UGT2B7: variants seen among roughly 807,000 people sequenced by gnomAD.
UGT2B7 encodes UDP-glucuronosyltransferase 2B7.
UGT2B7 carries 51 observed loss-of-function variants against 51.9 expected under a neutral mutation model. The observed-to-expected ratio is 0.98, with a 90% CI of 0.78 to 1.24. The LOEUF is 1.24. Among genes scored for constraint, UGT2B7 ranks in the 50% most tolerant of loss-of-function variants. The pLI is 0.00. For synonymous variants in UGT2B7, 225 were observed against 211.6 expected, an observed-to-expected ratio of 1.06 and a Z score of -0.55; for missense variants, 727 against 628.4, an observed-to-expected ratio of 1.16 and a Z score of -1.68.
intron 5 of UGT2B7, among the ~76,000 whole-genome samples, chr4:69,109,549 A>G (rs1351567599): frequency 2.0e-5 from 3 of 152,080 alleles, no homozygotes; most frequent in East Asian, 1.9e-4. Context: ...AAAACAGTCT[A>G]TCCAATCCTT....
At chr4:69,059,470 A>T (rs1314948318) in intron 1 of UGT2B7, among the ~76,000 whole-genome samples, 1 of 152,216 alleles carries the variant, frequency 6.6e-6, no homozygotes, top group South Asian at 2.1e-4. Flanking sequence ...GGAGGCTATG[A>T]TGTTAACCCG....
intron 2 of UGT2B7, among the ~76,000 whole-genome samples, chr4:69,089,919 A>C (rs55757747): frequency 0.58 from 87,157 of 151,470 alleles, 26,025 homozygotes; most frequent in African/African-American, 0.71. Flanking sequence ...ACAACAAATA[A>C]AAAAACCCTG....
At position 69,101,866 on chromosome 4, in the gene UGT2B7, G is replaced by A. The variant is rs116308742; in HGVS notation, c.871-941G>A. On this transcript the variant is annotated intron_variant, in intron 2 of 5. Coordinates refer to ENST00000305231, the MANE Select transcript of UGT2B7 (RefSeq NM_001074.4). ...TAGGAATGTTACGTGGTGTGTGTGA[G>A]CTACTCAAAAAAGAGACAAGATCTC... Among the ~76,000 whole-genome samples the A allele has an allele frequency of 3.1e-3, 467 of 152,272 alleles. 3 individuals carry two copies. Among genetic ancestry groups the A allele is most frequent in the African/African-American group, 0.011 (443 of 41,576 alleles).
chr4:69,102,822 G>A lies in UGT2B7; in HGVS notation c.886G>A (p.Val296Ile). Residue 296 changes from valine to isoleucine, a missense_variant, in exon 3 of 6, where the codon GTA (valine) becomes ATA (isoleucine). Coordinates refer to ENST00000305231, the MANE Select transcript of UGT2B7 (RefSeq NM_001074.4). ...TTCTTCACAGGAAATGGAAGACTTT[G>A]TACAGAGCTCTGGAGAAAATGGTGT... is the stretch of plus-strand genomic sequence containing the variant. ...KPLPKEMEDF[V>I]QSSGENGVVV... 1 of 1,613,100 alleles carries A rather than the reference G, an allele frequency of 6.2e-7. No individual in the cohort carries two copies. The highest frequency in any genetic ancestry group is 8.5e-7 in the Non-Finnish European group (1 of 1,179,518).
At chr4:69,059,716 A>G (rs1718300912) in intron 1 of UGT2B7, among the ~76,000 whole-genome samples, 1 of 152,192 alleles carries the variant, frequency 6.6e-6, no homozygotes, top group Admixed American at 6.5e-5. Context: ...TAGAGTCTTC[A>G]TAAACATGGA....
At chr4:69,104,983 A>G (rs1443311954) in intron 3 of UGT2B7, among the ~76,000 whole-genome samples, 2 of 152,146 alleles carry the variant, frequency 1.3e-5, no homozygotes, top group Non-Finnish European at 2.9e-5. Context: ...ACAGACAACT[A>G]TCCCAAGTAC....
At chr4:69,068,439 T>C (rs1473636910) in intron 1 of UGT2B7, among the ~76,000 whole-genome samples, 2 of 152,084 alleles carry the variant, frequency 1.3e-5, no homozygotes, top group African/African-American at 4.8e-5. Flanking sequence ...TATTTCTGTT[T>C]AATAACCAAA....
intron 5 of UGT2B7, among the ~76,000 whole-genome samples, chr4:69,109,809 A>T (rs2099407478): frequency 6.6e-6 from 1 of 152,130 alleles, no homozygotes; most frequent in Non-Finnish European, 1.5e-5. Context: ...CCATCAATTC[A>T]GCATTTATAG....
chr4:69,063,297 C>G (rs534542543), intron 1 of UGT2B7, among the ~76,000 whole-genome samples: 1 of 117,136 alleles, frequency 8.5e-6, no homozygotes, highest in Non-Finnish European at 1.6e-5. Flanking sequence ...CCAGCCTGGG[C>G]GACAGAGCGA....
rs1292536624 is a variant in UGT2B7, at chr4:69,064,068, GAA to G, written c.-159+12468_-159+12469del. 4.8e-3 allele frequency among the ~76,000 whole-genome samples: 500 copies of G among 103,642 alleles called. 14 individuals are homozygous for G. Among genetic ancestry groups the G allele is most frequent in the African/African-American group, 0.025 (482 of 19,518 alleles). The allele number at this position is 103,642 out of a possible 152,430, so 68.0% of individuals were successfully genotyped here. A position where few individuals can be genotyped will look rare whatever the true frequency, so the allele number is the denominator to read the frequency against. On this transcript the variant is annotated intron_variant, in intron 1 of 5. Transcript: ENST00000502942. ...AGAAAGAAAGAAAGAAAGAAAGAAA[GAA>G]AGAAAGAAAGAAAGAAAGAAAGAAA...
chr4:69,112,365 C>T (rs1220523268), intron 5 of UGT2B7, 92 bp from the exon 6 acceptor site: 19 of 1,492,180 alleles, frequency 1.3e-5, no homozygotes, highest in South Asian at 5.5e-5. Context: ...TGCTCCCAGC[C>T]GAATAAAACC....
At chr4:69,095,285 C>T (rs982220967), upstream of UGT2B7, among the ~76,000 whole-genome samples, 2 of 152,098 alleles carry the variant, frequency 1.3e-5, no homozygotes, top group Admixed American at 1.3e-4. Flanking sequence ...TGGTGATAGG[C>T]TGGAAAATTT....
At chr4:69,084,330 T>TTCTCTCTC (rs71204073) in intron 1 of UGT2B7, among the ~76,000 whole-genome samples, 4 of 148,232 alleles carry the variant, frequency 2.7e-5, no homozygotes, top group East Asian at 2.0e-4. Context: ...TCTATAAATT[T>TTCTCTCTC]TCTCTCTCTC....
intron 1 of UGT2B7, among the ~76,000 whole-genome samples, chr4:69,064,237 T>C (rs1376595406): frequency 6.6e-6 from 1 of 152,204 alleles, no homozygotes; most frequent in African/African-American, 2.4e-5. Flanking sequence ...GTCCTGATAC[T>C]ACTGTCTAAA....
chr4:69,105,038 G>C (rs1719552103), intron 3 of UGT2B7, among the ~76,000 whole-genome samples: 1 of 152,108 alleles, frequency 6.6e-6, no homozygotes. Flanking sequence ...AGCCTGCCCT[G>C]CTGGACTGCG....
At chr4:69,089,917 TA>T (rs1393111113) in intron 2 of UGT2B7, among the ~76,000 whole-genome samples, 2 of 152,012 alleles carry the variant, frequency 1.3e-5, no homozygotes, top group African/African-American at 2.4e-5. Flanking sequence ...AAACAACAAA[TA>T]AAAAAACCCT....
At position 69,112,704 on chromosome 4, in the gene UGT2B7, G is replaced by T. The variant is rs1377645447; in HGVS notation, c.1558G>T (p.Ala520Ser). The change falls in exon 6 of 6, where the codon GCT (alanine) becomes TCT (serine). Residue 520 changes from alanine (A) to serine (S), a missense_variant. Ala to Ser is a moderately conservative substitution (Grantham distance 99). Transcript: ENST00000305231. ...KCCLFCFWKFARKAKKGKND is the reference protein window; with the variant it reads ...KCCLFCFWKFSRKAKKGKND ...TTGTCTGTTTTGTTTCTGGAAGTTT[G>T]CTAGAAAAGCAAAGAAGGGAAAAAA... 5.0e-6 allele frequency: 8 copies of T among 1,613,600 alleles called. No individual in the cohort carries two copies. Among genetic ancestry groups the T allele is most frequent in the African/African-American group, 1.3e-5 (1 of 74,848 alleles).
intron 1 of UGT2B7, among the ~76,000 whole-genome samples, chr4:69,056,119 T>C (rs187888997): frequency 2.1e-3 from 323 of 152,084 alleles, no homozygotes; most frequent in Non-Finnish European, 4.0e-3. Context: ...TTACTGCCCA[T>C]AAAAACAGGT....
chr4:69,097,147 G>A lies in UGT2B7; in HGVS notation c.627G>A (p.Glu209=). 2 of 1,613,508 alleles carry A rather than the reference G, an allele frequency of 1.2e-6. No homozygotes were observed. The highest frequency in any genetic ancestry group is 1.1e-5 in the South Asian group (1 of 91,044). ...SELTDQMTFM[E]RVKNMIYVLY... is the part of the protein sequence containing the mutation. ...TAACTGATCAAATGACTTTCATGGA[G>A]AGGGTAAAAAATATGATCTATGTGC... is the stretch of plus-strand genomic sequence containing the variant. The change falls in exon 1 of 6, where the codon GAG becomes GAA. Residue 209 remains glutamate, a synonymous_variant. Coordinates refer to ENST00000305231, the MANE Select transcript of UGT2B7 (RefSeq NM_001074.4).
Sources: gnomAD v4.1 joint callset for allele counts (sites outside exome capture counted in the v4.1 genomes callset) on GRCh38, gnomAD v4.1.1 for gene constraint, MANE v1.5 for transcripts, NCBI Gene and HGNC (gene_info 2026-07-23, HGNC 2026-07-21) for gene names.